The following SMYD3 variants were observed in gnomAD, a reference collection of about 807,000 sequenced individuals.
SMYD3 encodes SET and MYND domain containing 3, also known as histone-lysine N-methyltransferase SMYD3.
Under a neutral mutation model 57.7 loss-of-function variants are expected in SMYD3, and 36 were observed. The ratio of observed to expected loss-of-function variants is 0.62; its 90% CI spans 0.48 to 0.82. SMYD3 has a LOEUF of 0.82. Ranked by LOEUF, SMYD3 falls within the 40% of genes least tolerant of loss-of-function variation. The pLI, the probability that SMYD3 is intolerant of heterozygous loss-of-function variation, is 0.00. For synonymous variants in SMYD3, 211 were observed against 195.0 expected (o/e 1.08, Z -0.68); for missense variants, 515 against 538.8 (o/e 0.96, Z 0.44).
intron 8 of SMYD3, among the ~76,000 whole-genome samples, chr1:245,896,856 G>C (rs771740889): frequency 4.0e-5 from 6 of 150,044 alleles, no homozygotes; most frequent in African/African-American, 7.4e-5. Context: ...GAGGGGCTTG[G>C]GGGAGGCAAA....
chr1:246,330,658 ATTCT>A (rs374734074), intron 3 of SMYD3, 121 bp from the exon 4 acceptor site: 18 of 676,474 alleles, frequency 2.7e-5, no homozygotes, highest in African/African-American at 1.5e-4. Context: ...TTTTCTATAT[ATTCT>A]TTCTATTCAT....
intron 10 of SMYD3, among the ~76,000 whole-genome samples, chr1:245,854,433 G>A (rs945932621): frequency 5.9e-5 from 9 of 152,096 alleles, no homozygotes; most frequent in East Asian, 1.9e-4. Flanking sequence ...AAATGGAAAC[G>A]ACAGAGATTG....
At chr1:246,134,162 A>G (rs1201794984) in intron 5 of SMYD3, among the ~76,000 whole-genome samples, 2 of 152,106 alleles carry the variant, frequency 1.3e-5, no homozygotes, top group East Asian at 3.8e-4. Flanking sequence ...GCTGTATTAC[A>G]TTAAGAAAAT....
chr1:245,875,754 C>G (rs2052454193), intron 8 of SMYD3, among the ~76,000 whole-genome samples: 1 of 152,202 alleles, frequency 6.6e-6, no homozygotes, highest in South Asian at 2.1e-4. Context: ...TCATTGTGGG[C>G]CAAAATTACA....
Position 246,355,359 on chromosome 1 carries a change from G to C in SMYD3, c.165-265C>G. 2.2e-6 allele frequency: 1 copy of C among 450,450 alleles called. No homozygotes were observed. The allele number at this position is 450,450 out of a possible 1,614,324, so 27.9% of individuals were successfully genotyped here. ...CCAGCTTGCAGCTCCCGATCGGACAGACAGAGCAGCGTGTGGGGACTCACA... is the reference window on the plus strand; with the variant it reads ...CCAGCTTGCAGCTCCCGATCGGACACACAGAGCAGCGTGTGGGGACTCACA... On this transcript the variant is annotated intron_variant, in intron 1 of 11. Coordinates refer to ENST00000490107, the MANE Select transcript of SMYD3 (RefSeq NM_001167740.2). The surrounding 1 kb of genome is among the most constrained non-coding windows in gnomAD (Gnocchi z 5.0).
chr1:246,034,701 T>C (rs992068715), intron 5 of SMYD3: 3 of 155,196 alleles, frequency 1.9e-5, no homozygotes, highest in Admixed American at 1.3e-4. Context: ...CTGGGGCAAA[T>C]AAGGGAATTG....
At chr1:246,074,378 C>A (rs570848841) in intron 5 of SMYD3, among the ~76,000 whole-genome samples, 4,241 of 139,580 alleles carry the variant, frequency 0.03, 196 homozygotes, top group African/African-American at 0.11. Context: ...AAAAAAAAAA[C>A]AAACTGTGAA....
chr1:246,362,454 TCTCCCTCTCCACGGTCTCCCTCTC>T (rs2066005600), intron 1 of SMYD3, among the ~76,000 whole-genome samples: 1 of 17,178 alleles, frequency 5.8e-5, no homozygotes, highest in Non-Finnish European at 1.6e-4. Context: ...TCCCTCTCCC[TCTCCCTCTCCACGGTCTCCCTCTC>T]CCTCTCTTTC....
chr1:245,805,037 T>G (rs2048085229), intron 10 of SMYD3, among the ~76,000 whole-genome samples: 1 of 152,138 alleles, frequency 6.6e-6, no homozygotes, highest in Non-Finnish European at 1.5e-5. Flanking sequence ...TCAAAAAAGC[T>G]TTGGCTTCTA....
At chr1:245,958,898 CTCT>C (rs2057925256) in intron 5 of SMYD3, among the ~76,000 whole-genome samples, 1 of 152,040 alleles carries the variant, frequency 6.6e-6, no homozygotes, top group Non-Finnish European at 1.5e-5. Flanking sequence ...GCATTAAGAA[CTCT>C]TTTTTGTTGT....
intron 5 of SMYD3, among the ~76,000 whole-genome samples, chr1:246,303,458 T>C (rs1370031668): frequency 6.6e-6 from 1 of 152,206 alleles, no homozygotes; most frequent in Non-Finnish European, 1.5e-5. Flanking sequence ...AGCCTGTACC[T>C]ATCCTCCTGT....
At chr1:246,273,573 A>ATTTT (rs1368718504) in intron 5 of SMYD3, among the ~76,000 whole-genome samples, 4 of 97,196 alleles carry the variant, frequency 4.1e-5, no homozygotes, top group South Asian at 4.3e-4. Context: ...GGTTTCACTA[A>ATTTT]TCTTTTTTTT....
At chr1:246,380,460 T>C (rs1156793517) in intron 1 of SMYD3, among the ~76,000 whole-genome samples, 1 of 152,220 alleles carries the variant, frequency 6.6e-6, no homozygotes, top group Non-Finnish European at 1.5e-5. Flanking sequence ...TGAAATGTCA[T>C]TACTTGAATG....
rs73130345 is a variant in SMYD3 at position 245,984,173 on chromosome 1, C to T, written c.532-54236G>A. 9.2e-3 allele frequency among the ~76,000 whole-genome samples: 1,397 copies of T among 151,852 alleles called. 18 individuals carry two copies. The highest frequency in any genetic ancestry group is 0.031 in the African/African-American group (1,304 of 41,426). ...TGCCACCACGCCCGGGTAATTTTTG[C>T]ATTTTTAGAAACAGGGTTTCACCAT... is the stretch of plus-strand genomic sequence containing the variant. On this transcript the variant is annotated intron_variant, in intron 5 of 11. Transcript: ENST00000490107.
At position 245,951,559 on chromosome 1, in the gene SMYD3, G is replaced by T. The variant is rs76956475; in HGVS notation, c.532-21622C>A. 5.6e-5 allele frequency among the ~76,000 whole-genome samples: 6 copies of T among 107,470 alleles called. 1 individual carries two copies. Among genetic ancestry groups the T allele is most frequent in the Non-Finnish European group, 9.0e-5 (5 of 55,256 alleles). 70.5% of individuals were successfully genotyped at this position (107,470 alleles called of 152,430 possible). A position where few individuals can be genotyped will look rare whatever the true frequency, so the allele number is the denominator to read the frequency against. ...ACTCCAGCCTGGGTGACAGAGCGAGGCTCTCTCTCAAAAAAAAAAAAAAAC... is the reference window on the plus strand; with the variant it reads ...ACTCCAGCCTGGGTGACAGAGCGAGTCTCTCTCTCAAAAAAAAAAAAAAAC... On this transcript the variant is annotated intron_variant, in intron 5 of 11. Coordinates refer to ENST00000490107, the MANE Select transcript of SMYD3 (RefSeq NM_001167740.2).
In SMYD3 at chr1:246,417,752, C is replaced by T. The variant is rs558400455; in HGVS notation, c.165-62658G>A. On this transcript the variant is annotated intron_variant, in intron 1 of 11. Coordinates refer to ENST00000490107, the MANE Select transcript of SMYD3 (RefSeq NM_001167740.2). The stretch of plus-strand genomic sequence containing the variant: ...GGCTGGTTATCTCTTCTTCACTGTG[C>T]TTATTACTTAGCAGAATTCAGGCCC... Among the ~76,000 whole-genome samples the T allele has an allele frequency of 2.6e-5, 4 of 152,290 alleles. No homozygotes were observed. The South Asian group carries it at 8.3e-4, about 32-fold the overall frequency.
intron 5 of SMYD3, among the ~76,000 whole-genome samples, chr1:246,110,949 A>C (rs1286750895): frequency 1.3e-5 from 2 of 152,172 alleles, no homozygotes; most frequent in Non-Finnish European, 2.9e-5. Context: ...TAAACTTAGG[A>C]GCGAACTCTG....
chr1:246,307,036 G>C (rs1230962037), intron 5 of SMYD3, among the ~76,000 whole-genome samples: 2 of 151,880 alleles, frequency 1.3e-5, no homozygotes, highest in Admixed American at 6.6e-5. Flanking sequence ...AATATATTCT[G>C]AGAAACAACT....
intron 5 of SMYD3, among the ~76,000 whole-genome samples, chr1:246,197,492 T>A (rs1310971504): frequency 6.6e-6 from 1 of 152,022 alleles, no homozygotes; most frequent in Non-Finnish European, 1.5e-5. Context: ...TGAAAAAAAA[T>A]TCAGACAGGT....
Sources: allele counts gnomAD v4.1 joint callset (sites outside exome capture counted in the v4.1 genomes callset), GRCh38; gene constraint gnomAD v4.1.1; non-coding constraint Gnocchi (gnomAD v3.1); transcripts MANE v1.5; gene names NCBI Gene and HGNC (gene_info 2026-07-23, HGNC 2026-07-21).